Variants in CRPPA observed in about 807,000 individuals in gnomAD.
CRPPA encodes D-ribitol-5-phosphate cytidylyltransferase.
A neutral mutation model predicts 52.0 loss-of-function variants in CRPPA; 43 were observed. That is an observed-to-expected ratio of 0.83 (90% confidence interval 0.65 to 1.07). The LOEUF (loss-of-function observed/expected upper bound fraction) is 1.07, where lower values mean the gene tolerates loss of function less well. CRPPA is among the 50% of genes least tolerant of loss of function. The pLI is 0.00. For missense variants in CRPPA, 629 were observed against 551.7 expected (o/e 1.14, Z -1.40); for synonymous variants, 250 against 203.5 (o/e 1.23, Z -1.94).
At chr7:16,377,254 C>G (rs749161004) in intron 2 of CRPPA, among the ~76,000 whole-genome samples, 1 of 151,936 alleles carries the variant, frequency 6.6e-6, no homozygotes, top group African/African-American at 2.4e-5. Context: ...GGAACCTAGG[C>G]ATAAAAACAA....
At chr7:16,400,790 C>G (rs188784435) in intron 2 of CRPPA, among the ~76,000 whole-genome samples, 1 of 152,346 alleles carries the variant, frequency 6.6e-6, no homozygotes, top group East Asian at 1.9e-4. Flanking sequence ...ACATGCCCAA[C>G]ATATGCCCAA....
At chr7:16,288,706 G>A (rs553993719) in intron 5 of CRPPA, among the ~76,000 whole-genome samples, 15 of 151,786 alleles carry the variant, frequency 9.9e-5, no homozygotes, top group Non-Finnish European at 1.8e-4. Flanking sequence ...AATTAGCCAG[G>A]CATGGTTATA....
intron 3 of CRPPA, among the ~76,000 whole-genome samples, chr7:16,356,902 T>A (rs113751337): frequency 2.6e-5 from 4 of 152,218 alleles, no homozygotes; most frequent in Non-Finnish European, 4.4e-5. Flanking sequence ...CTGAAGGATG[T>A]TGAGTGTGTC....
At chr7:16,416,332 C>T (rs994862357) in intron 1 of CRPPA, among the ~76,000 whole-genome samples, 6 of 152,270 alleles carry the variant, frequency 3.9e-5, no homozygotes, top group Middle Eastern at 3.4e-3. Flanking sequence ...AGGAATAAAA[C>T]TGGACCCCTA....
chr7:16,182,624 TATA>T (rs1056322842), intron 9 of CRPPA, among the ~76,000 whole-genome samples: 17 of 152,258 alleles, frequency 1.1e-4, no homozygotes, highest in African/African-American at 4.1e-4. Context: ...ATCCTCTTAT[TATA>T]ATAAGAGAAA....
chr7:16,255,399 T>G (rs1478409638), intron 8 of CRPPA, among the ~76,000 whole-genome samples: 1 of 152,128 alleles, frequency 6.6e-6, no homozygotes, highest in Non-Finnish European at 1.5e-5. Context: ...GCTATCCCCA[T>G]CAAGTTACCA....
chr7:16,247,117 G>A (rs1783298100), intron 8 of CRPPA, among the ~76,000 whole-genome samples: 1 of 152,204 alleles, frequency 6.6e-6, no homozygotes, highest in Non-Finnish European at 1.5e-5. Flanking sequence ...CTCAACATCA[G>A]CACTTGCTGC....
chr7:16,179,040 A>G (rs1266007468), intron 9 of CRPPA, among the ~76,000 whole-genome samples: 1 of 152,110 alleles, frequency 6.6e-6, no homozygotes, highest in Non-Finnish European at 1.5e-5. Context: ...CAATTTAGAC[A>G]CTGTTGGAAA....
At chr7:16,187,508 G>C (rs745721282) in intron 9 of CRPPA, among the ~76,000 whole-genome samples, 43 of 152,162 alleles carry the variant, frequency 2.8e-4, no homozygotes, top group Non-Finnish European at 5.7e-4. Flanking sequence ...ACTTTTGCTT[G>C]TCAATAAAAT....
At chr7:16,345,360 T>C (rs1785985782) in intron 3 of CRPPA, among the ~76,000 whole-genome samples, 1 of 152,152 alleles carries the variant, frequency 6.6e-6, no homozygotes, top group South Asian at 2.1e-4. Flanking sequence ...AACGGAATAC[T>C]TGAGGCTAAA....
At chr7:16,215,139 G>C (rs762548409) in intron 9 of CRPPA, among the ~76,000 whole-genome samples, 1 of 152,116 alleles carries the variant, frequency 6.6e-6, no homozygotes, top group Non-Finnish European at 1.5e-5. Context: ...AAATGCAGCC[G>C]AAATAATTTC....
At chr7:16,216,228 A>T in intron 8 of CRPPA, 31 bp from the exon 9 acceptor site, 1 of 1,428,690 alleles carries the variant, frequency 7.0e-7, no homozygotes, top group Admixed American at 2.3e-5. Context: ...TATTTAGAAT[A>T]TCATTCCCTT....
rs548891869 is a variant in CRPPA, at chr7:16,250,130, C to A, written c.1119+8260G>T. Among the ~76,000 whole-genome samples, 7 of 152,056 alleles carry A rather than the reference C, an allele frequency of 4.6e-5. No individual in the cohort carries two copies. The South Asian group carries it at 1.5e-3, about 32-fold the overall frequency. On this transcript the variant is annotated intron_variant, in intron 8 of 9. Transcript: ENST00000407010. ...ATCGATCAGGCAGAAGAAAGTATAT[C>A]AGTGATTACTTAATGAAATAAAGCG...
chr7:16,192,981 G>C (rs1031395394), intron 9 of CRPPA, among the ~76,000 whole-genome samples: 7 of 151,950 alleles, frequency 4.6e-5, no homozygotes, highest in African/African-American at 1.7e-4. Flanking sequence ...TAAATCAGTT[G>C]GTATGAGTCA....
rs112992626 is a variant in CRPPA, at chr7:16,262,422, C to G, written c.934-3410G>C. 5.8e-4 allele frequency among the ~76,000 whole-genome samples: 88 copies of G among 152,250 alleles called. 1 individual carries two copies. Among genetic ancestry groups the G allele is most frequent in the African/African-American group, 2.0e-3 (84 of 41,560 alleles). On this transcript the variant is annotated intron_variant, in intron 6 of 9. Transcript: ENST00000407010. ...ATAATAATTTTGTTTCCTATTCAAT[C>G]ACTGTTAATCTCTTACAATGTTGTG...
At chr7:16,400,171 C>T (rs1484551908) in intron 2 of CRPPA, among the ~76,000 whole-genome samples, 5 of 151,864 alleles carry the variant, frequency 3.3e-5, no homozygotes, top group African/African-American at 1.2e-4. Context: ...CGTGATGACA[C>T]GTTTGTGACG....
chr7:16,112,389 T>C (rs1458032677), intron 9 of CRPPA, among the ~76,000 whole-genome samples: 1 of 152,102 alleles, frequency 6.6e-6, no homozygotes, highest in Admixed American at 6.6e-5. Flanking sequence ...TGAACTAAGT[T>C]AAGGATCTGC....
intron 9 of CRPPA, among the ~76,000 whole-genome samples, chr7:16,158,733 ATAG>A (rs1018043710): frequency 2.0e-5 from 3 of 152,142 alleles, no homozygotes; most frequent in African/African-American, 7.2e-5. Flanking sequence ...TATATATCCA[ATAG>A]TATCTATGCT....
At chr7:16,309,165 T>G in intron 3 of CRPPA, among the ~76,000 whole-genome samples, 1 of 150,228 alleles carries the variant, frequency 6.7e-6, no homozygotes, top group South Asian at 2.1e-4. Flanking sequence ...TGCGAAAAAC[T>G]GTAAACATAT....
Sources: gnomAD v4.1 joint callset for allele counts (sites outside exome capture counted in the v4.1 genomes callset) on GRCh38, gnomAD v4.1.1 for gene constraint, MANE v1.5 for transcripts, NCBI Gene and HGNC (gene_info 2026-07-23, HGNC 2026-07-21) for gene names.